NRG1: variants seen among roughly 807,000 people sequenced by gnomAD.
NRG1 encodes pro-neuregulin-1, membrane-bound isoform.
Under a neutral mutation model 63.8 loss-of-function variants are expected in NRG1, and 18 were observed. That is an observed-to-expected ratio of 0.28 (90% CI 0.19 to 0.42). The LOEUF (loss-of-function observed/expected upper bound fraction) is 0.42. NRG1 is among the 10% of genes least tolerant of loss of function. The pLI is 1.00. For missense variants in NRG1, 762 were observed against 814.7 expected (o/e 0.94, Z 0.79); for synonymous variants, 302 against 301.3 (o/e 1.00, Z -0.02).
intron 1 of NRG1, among the ~76,000 whole-genome samples, chr8:32,070,727 C>T (rs1303034190): frequency 1.3e-5 from 2 of 152,248 alleles, no homozygotes; most frequent in Non-Finnish European, 2.9e-5. Context: ...CATGTGCTTA[C>T]AACACATTCT....
intron 5 of NRG1, chr8:32,647,789 T>A: frequency 1.2e-6 from 2 of 1,613,202 alleles, no homozygotes; most frequent in Non-Finnish European, 1.7e-6. Flanking sequence ...CTCAGCTGAG[T>A]GCAGACCCAT....
chr8:32,327,508 CTT>C (rs1802151958), intron 1 of NRG1, among the ~76,000 whole-genome samples: 3 of 152,192 alleles, frequency 2.0e-5, no homozygotes, highest in South Asian at 2.1e-4. Context: ...GATCCTGACA[CTT>C]AGTATCCAAA....
At chr8:31,963,471 G>A (rs990313890) in intron 1 of NRG1, among the ~76,000 whole-genome samples, 1 of 152,132 alleles carries the variant, frequency 6.6e-6, no homozygotes, top group Non-Finnish European at 1.5e-5. Context: ...ACGGGTATAA[G>A]GCACTGATAT....
chr8:31,878,415 C>T (rs906496242), intron 1 of NRG1, among the ~76,000 whole-genome samples: 58 of 151,922 alleles, frequency 3.8e-4, no homozygotes, highest in African/African-American at 1.4e-3. Flanking sequence ...TGTACGAGTG[C>T]AATAAGGAGT....
At chr8:31,858,063 G>T (rs1157513170) in intron 1 of NRG1, among the ~76,000 whole-genome samples, 1 of 152,194 alleles carries the variant, frequency 6.6e-6, no homozygotes, top group African/African-American at 2.4e-5. Context: ...ACTTTGGGAG[G>T]CCGAGGCGGG....
At chr8:32,266,038 T>C (rs907873822) in intron 1 of NRG1, among the ~76,000 whole-genome samples, 1 of 152,130 alleles carries the variant, frequency 6.6e-6, no homozygotes, top group Non-Finnish European at 1.5e-5. Flanking sequence ...TGGGGGGTCC[T>C]GGAACCAATA....
chr8:31,700,968 T>C (rs192825018), intron 1 of NRG1, among the ~76,000 whole-genome samples: 227 of 152,324 alleles, frequency 1.5e-3, no homozygotes, highest in African/African-American at 5.0e-3. Flanking sequence ...GACTTGGAGC[T>C]TCTTTTTCTC....
chr8:32,421,044 A>G (rs1289582174), intron 1 of NRG1, among the ~76,000 whole-genome samples: 1 of 152,190 alleles, frequency 6.6e-6, no homozygotes, highest in Non-Finnish European at 1.5e-5. Context: ...AGGCCTCCCC[A>G]GCAGTGTGAA....
At chr8:31,801,008 T>A (rs1821730579) in intron 1 of NRG1, among the ~76,000 whole-genome samples, 1 of 66,230 alleles carries the variant, frequency 1.5e-5, no homozygotes, top group South Asian at 1.0e-3. Flanking sequence ...GCCCGCCAAT[T>A]TTTTTGTATT....
chr8:32,378,480 A>C (rs1337624307), intron 1 of NRG1, among the ~76,000 whole-genome samples: 1 of 152,144 alleles, frequency 6.6e-6, no homozygotes, highest in African/African-American at 2.4e-5. Flanking sequence ...AAGAAACCAA[A>C]CATAGCTCCA....
chr8:31,886,587 G>A (rs941135815), intron 1 of NRG1, among the ~76,000 whole-genome samples: 1 of 152,208 alleles, frequency 6.6e-6, no homozygotes, highest in Middle Eastern at 3.4e-3. Context: ...AGGATAATCA[G>A]CTCCAGCCAT....
intron 1 of NRG1, among the ~76,000 whole-genome samples, chr8:32,246,063 G>A (rs1391175374): frequency 6.6e-6 from 1 of 152,090 alleles, no homozygotes; most frequent in African/African-American, 2.4e-5. Flanking sequence ...ACAAGGAAGA[G>A]TTTTATTGAA....
chr8:32,617,279 G>A (rs1249267328), intron 5 of NRG1, among the ~76,000 whole-genome samples: 1 of 152,150 alleles, frequency 6.6e-6, no homozygotes, highest in East Asian at 1.9e-4. Flanking sequence ...TGGAGCTTCC[G>A]TTCCAAAACT....
chr8:31,794,559 A>G (rs1821016853), intron 1 of NRG1, among the ~76,000 whole-genome samples: 1 of 151,880 alleles, frequency 6.6e-6, no homozygotes, highest in African/African-American at 2.4e-5. Flanking sequence ...AAGGAAGTAG[A>G]ATAGTAAAGA....
chr8:31,844,791 T>G (rs1826519307), intron 1 of NRG1, among the ~76,000 whole-genome samples: 1 of 109,704 alleles, frequency 9.1e-6, no homozygotes, highest in Admixed American at 8.6e-5. Flanking sequence ...CTTGGTGAAT[T>G]TTTTTTTTTC....
At chr8:32,161,379 G>A (rs1298902765) in intron 1 of NRG1, among the ~76,000 whole-genome samples, 1 of 152,152 alleles carries the variant, frequency 6.6e-6, no homozygotes, top group African/African-American at 2.4e-5. Context: ...ACCTACATGG[G>A]TCAAGAACTC....
At chr8:32,250,919 A>G (rs1849032225) in intron 1 of NRG1, among the ~76,000 whole-genome samples, 1 of 152,084 alleles carries the variant, frequency 6.6e-6, no homozygotes, top group Non-Finnish European at 1.5e-5. Flanking sequence ...GTAGACATGT[A>G]TATTTAGTTA....
At chr8:32,666,594 A>G (rs941609671) in intron 5 of NRG1, among the ~76,000 whole-genome samples, 6 of 152,310 alleles carry the variant, frequency 3.9e-5, no homozygotes, top group East Asian at 1.9e-4. Context: ...TGCAAATTCT[A>G]TGTGGCTGTT....
At chr8:32,013,739 C>T (rs1297323383) in intron 1 of NRG1, among the ~76,000 whole-genome samples, 1 of 152,108 alleles carries the variant, frequency 6.6e-6, no homozygotes, top group African/African-American at 2.4e-5. Context: ...TCTGTACACT[C>T]AGTGCAATCT....
Sources: gnomAD v4.1 joint callset for allele counts (sites outside exome capture counted in the v4.1 genomes callset) on GRCh38, gnomAD v4.1.1 for gene constraint, MANE v1.5 for transcripts, NCBI Gene and HGNC (gene_info 2026-07-23, HGNC 2026-07-21) for gene names.